The following FARP1 variants were observed in gnomAD, a reference collection of about 807,000 sequenced individuals.
FARP1 encodes the protein FERM, ARH/RhoGEF and pleckstrin domain protein 1.
FARP1 carries 52 observed loss-of-function variants against 128.8 expected under a neutral mutation model. That is an observed-to-expected ratio of 0.40 (90% confidence interval 0.32 to 0.51). FARP1 has a LOEUF of 0.51. FARP1 is among the 20% of genes least tolerant of loss of function. FARP1 has a pLI of 0.45. For synonymous variants in FARP1, 580 were observed against 551.8 expected, an observed-to-expected ratio of 1.05 and a Z score of -0.72; for missense variants, 1,333 against 1,367.9, an observed-to-expected ratio of 0.97 and a Z score of 0.40.
chr13:98,236,452 T>C (rs757842219), intron 2 of FARP1, among the ~76,000 whole-genome samples: 1 of 152,172 alleles, frequency 6.6e-6, no homozygotes, highest in Non-Finnish European at 1.5e-5. Context: ...ATTTCTAAAA[T>C]AATACAGTTG....
intron 2 of FARP1, among the ~76,000 whole-genome samples, chr13:98,277,148 A>ACACACACC (rs372627844): frequency 0.011 from 1,464 of 138,596 alleles, 22 homozygotes; most frequent in Non-Finnish European, 0.017. Context: ...ACACACACAC[A>ACACACACC]CCCCATATGT....
intron 13 of FARP1, chr13:98,406,766 T>G (rs1890992895): frequency 6.6e-6 from 1 of 152,348 alleles, no homozygotes; most frequent in African/African-American, 2.4e-5. Context: ...TTCTGAACCG[T>G]GGCACGCCTT....
rs58342268 is a variant in FARP1 at position 98,449,801 on chromosome 13, TG to T, written c.*1492del. 38,787 of 117,430 alleles carry T rather than the reference TG, an allele frequency of 0.33. 5,101 individuals carry two copies. The highest frequency in any genetic ancestry group is 0.36 in the Non-Finnish European group (20,029 of 55,722). The allele number at this position is 117,430 out of a possible 1,614,324, so 7.3% of individuals were successfully genotyped here. A position where few individuals can be genotyped will look rare whatever the true frequency, so the allele number is the denominator to read the frequency against. On this transcript the variant is annotated 3_prime_UTR_variant, in exon 27 of 27. Coordinates refer to ENST00000319562, the MANE Select transcript of FARP1 (RefSeq NM_005766.4). ...TTGTCTGTAGTCTTCATTTTCTGTG[TG>T]GGGGGGGAGGGGGGAAGGGGACACT...
intron 2 of FARP1, among the ~76,000 whole-genome samples, chr13:98,252,050 G>A (rs1175233482): frequency 6.6e-6 from 1 of 152,124 alleles, no homozygotes; most frequent in Non-Finnish European, 1.5e-5. Flanking sequence ...GTTTCACTAT[G>A]TTGGCCAACC....
chr13:98,448,214 A>G (rs755563084), intron 26 of FARP1, 22 bp from the exon 27 acceptor site: 4 of 1,606,632 alleles, frequency 2.5e-6, no homozygotes, highest in South Asian at 1.1e-5. Flanking sequence ...AAGGTTGACT[A>G]ACTGGCGTTC....
At chr13:98,435,276 C>G (rs549483748) in intron 18 of FARP1, 3 of 210,238 alleles carry the variant, frequency 1.4e-5, no homozygotes, top group Non-Finnish European at 2.8e-5. Context: ...TCAAGGCAGT[C>G]TTCTTCCCCC....
chr13:98,338,152 G>A (rs187632059), intron 2 of FARP1, among the ~76,000 whole-genome samples: 9 of 152,258 alleles, frequency 5.9e-5, no homozygotes, highest in Middle Eastern at 3.4e-3. Context: ...AAAACTTACC[G>A]TTTTTACATG....
intron 2 of FARP1, among the ~76,000 whole-genome samples, chr13:98,237,186 C>A (rs560867474): frequency 6.6e-6 from 1 of 151,866 alleles, no homozygotes; most frequent in African/African-American, 2.4e-5. Context: ...TGCCTATAAT[C>A]CCAGGTACTC....
At chr13:98,145,861 C>CAAAA (rs140525790) in intron 1 of FARP1, among the ~76,000 whole-genome samples, 7 of 131,232 alleles carry the variant, frequency 5.3e-5, no homozygotes, top group Non-Finnish European at 7.9e-5. Flanking sequence ...GACTCTGTCT[C>CAAAA]AAAAAAAAAA....
At chr13:98,439,251 G>A in intron 21 of FARP1, 55 bp downstream of exon 21, 2 of 1,279,352 alleles carry the variant, frequency 1.6e-6, no homozygotes, top group Admixed American at 3.9e-5. Flanking sequence ...AGCAGGTGCG[G>A]GCGCTGCTGA....
chr13:98,441,288 T>C (rs1356069913), intron 24 of FARP1, among the ~76,000 whole-genome samples: 1 of 152,146 alleles, frequency 6.6e-6, no homozygotes, highest in African/African-American at 2.4e-5. Flanking sequence ...CTCCCCATCA[T>C]GAGGGTCACG....
intron 1 of FARP1, among the ~76,000 whole-genome samples, chr13:98,154,257 T>C (rs1566672225): frequency 6.6e-6 from 1 of 152,242 alleles, no homozygotes; most frequent in Non-Finnish European, 1.5e-5. Flanking sequence ...GATTTTGATA[T>C]GGATGAAGTT....
At chr13:98,177,263 G>A (rs1229484863) in intron 1 of FARP1, 1 of 1,514,042 alleles carries the variant, frequency 6.6e-7, no homozygotes. Context: ...CCCAACGGCC[G>A]TGGCGTGCGT....
chr13:98,305,118 A>ATATTT (rs1555335715), intron 2 of FARP1, among the ~76,000 whole-genome samples: 3 of 102,916 alleles, frequency 2.9e-5, no homozygotes, highest in Admixed American at 9.5e-5. Context: ...ATATATATAT[A>ATATTT]TTTTTTAATT....
intron 2 of FARP1, among the ~76,000 whole-genome samples, chr13:98,286,398 G>T (rs1156735911): frequency 6.6e-6 from 1 of 152,158 alleles, no homozygotes; most frequent in African/African-American, 2.4e-5. Flanking sequence ...CACGTGTTGT[G>T]CAAGGGACCC....
In FARP1 at chr13:98,176,718, C is replaced by G. The variant is rs1158101539; in HGVS notation, c.-24+33226C>G. 5 of 1,614,066 alleles carry G rather than the reference C, an allele frequency of 3.1e-6. No individual in the cohort carries two copies. In the Admixed American group the frequency reaches 6.7e-5, roughly 22 times the overall value. ...GCCCTGGCGCACGTATGGGGCCCTT[C>G]CTCGCCATCCCCGAGGAGGAGTTGC... On this transcript the variant is annotated intron_variant, in intron 1 of 26. Coordinates refer to ENST00000319562, the MANE Select transcript of FARP1 (RefSeq NM_005766.4). This position sits in a 1 kb window ranked among gnomAD's most constrained non-coding sequence, Gnocchi z 6.2.
chr13:98,295,108 T>C (rs12323258), intron 2 of FARP1, among the ~76,000 whole-genome samples: 16 of 38,608 alleles, frequency 4.1e-4, no homozygotes, highest in East Asian at 3.3e-3. Context: ...CACACACATA[T>C]ATCCCCAGGC....
chr13:98,443,153 T>C (rs1210130492), intron 24 of FARP1, among the ~76,000 whole-genome samples: 3 of 152,386 alleles, frequency 2.0e-5, no homozygotes, highest in African/African-American at 7.2e-5. Context: ...CACTTTTTTT[T>C]AATGGCTGCT....
rs8481 is a variant in FARP1 at position 98,453,141 on chromosome 13, G to T, written c.*4824G>T. On this transcript the variant is annotated 3_prime_UTR_variant, in exon 27 of 27. Transcript: ENST00000319562. ...AGGAGGAGGATGAAGAAGGAAAAAAGGAAAAACAAAACCCCAAATGCCAAA... is the reference window on the plus strand; with the variant it reads ...AGGAGGAGGATGAAGAAGGAAAAAATGAAAAACAAAACCCCAAATGCCAAA... 1 of 1,610,426 alleles carries T rather than the reference G, an allele frequency of 6.2e-7. No homozygotes were observed. The highest frequency in any genetic ancestry group is 1.3e-5 in the African/African-American group (1 of 74,704).
Sources: allele counts gnomAD v4.1 joint callset (sites outside exome capture counted in the v4.1 genomes callset), GRCh38; gene constraint gnomAD v4.1.1; non-coding constraint Gnocchi (gnomAD v3.1); transcripts MANE v1.5; gene names NCBI Gene and HGNC (gene_info 2026-07-23, HGNC 2026-07-21).